Variants in ADK observed in about 807,000 individuals in gnomAD.
ADK encodes adenosine kinase.
ADK carries 24 observed loss-of-function variants against 44.7 expected under a neutral mutation model. The observed-to-expected ratio is 0.54, with a 90% CI of 0.39 to 0.76. The LOEUF is 0.76. ADK is among the 30% of genes least tolerant of loss of function. The pLI is 0.00. For missense variants in ADK, 321 were observed against 425.1 expected (o/e 0.76, Z 2.15); for synonymous variants, 128 against 142.6 (o/e 0.90, Z 0.73).
chr10:74,185,103 A>T (rs1048144314), intron 1 of ADK, among the ~76,000 whole-genome samples: 1 of 152,240 alleles, frequency 6.6e-6, no homozygotes, highest in Non-Finnish European at 1.5e-5. Flanking sequence ...AAGAGGTGAC[A>T]TACCAAAAAA....
intron 8 of ADK, among the ~76,000 whole-genome samples, chr10:74,594,450 G>A (rs571937271): frequency 2.0e-4 from 31 of 151,658 alleles, no homozygotes; most frequent in Admixed American, 1.8e-3. Context: ...TTCATACAAA[G>A]CAAGGAGGTA....
intron 4 of ADK, among the ~76,000 whole-genome samples, chr10:74,387,482 C>T (rs1564692040): frequency 6.6e-6 from 1 of 152,096 alleles, no homozygotes; most frequent in Admixed American, 6.5e-5. Flanking sequence ...ATCCTAGGGG[C>T]ACCATGATAA....
intron 6 of ADK, among the ~76,000 whole-genome samples, chr10:74,459,851 A>G (rs549472015): frequency 2.2e-4 from 34 of 151,762 alleles, no homozygotes; most frequent in Non-Finnish European, 4.3e-4. Context: ...CTTAATTGCC[A>G]TGCCAACTTT....
At chr10:74,641,168 A>G (rs2134097531) in intron 9 of ADK, among the ~76,000 whole-genome samples, 1 of 152,242 alleles carries the variant, frequency 6.6e-6, no homozygotes, top group Non-Finnish European at 1.5e-5. Flanking sequence ...AAATGGGCCA[A>G]ATCATGCTTT....
chr10:74,508,367 C>G (rs535333868), intron 6 of ADK: 1 of 152,214 alleles, frequency 6.6e-6, no homozygotes, highest in East Asian at 1.9e-4. Flanking sequence ...TAACATAAAA[C>G]TCACTTTTCT....
chr10:74,212,966 G>A (rs1843874446), intron 2 of ADK, among the ~76,000 whole-genome samples: 1 of 152,170 alleles, frequency 6.6e-6, no homozygotes, highest in South Asian at 2.1e-4. Flanking sequence ...AATGAGTTAG[G>A]GAGTATAGGA....
chr10:74,680,771 G>T (rs1855576484), intron 10 of ADK, among the ~76,000 whole-genome samples: 1 of 152,178 alleles, frequency 6.6e-6, no homozygotes, highest in Non-Finnish European at 1.5e-5. Context: ...AAAATTAGCA[G>T]CATGATTGTC....
At chr10:74,202,633 A>G (rs1296906791) in intron 2 of ADK, among the ~76,000 whole-genome samples, 1 of 152,094 alleles carries the variant, frequency 6.6e-6, no homozygotes, top group East Asian at 1.9e-4. Flanking sequence ...CTTATTTTTT[A>G]TTTTTTAAAT....
At chr10:74,356,421 C>T (rs1392264206) in intron 4 of ADK, among the ~76,000 whole-genome samples, 1 of 152,170 alleles carries the variant, frequency 6.6e-6, no homozygotes, top group Non-Finnish European at 1.5e-5. Context: ...TAGTGGATCA[C>T]ACTCTGCAGC....
chr10:74,304,582 A>G (rs1840184618), intron 3 of ADK, among the ~76,000 whole-genome samples: 2 of 152,238 alleles, frequency 1.3e-5, no homozygotes. Flanking sequence ...ATCAGAGAAT[A>G]GAAATTCTTT....
chr10:74,218,138 G>A lies in ADK; in HGVS notation c.141-6400G>A, dbSNP rs1243819150. ...AACTTTGAAAAAAATTTAAACGAAT[G>A]TATAACTAGAATAACCAATACAGAG... On this transcript the variant is annotated intron_variant, in intron 2 of 10. Coordinates refer to ENST00000539909, the MANE Select transcript of ADK (RefSeq NM_006721.4). Among the ~76,000 whole-genome samples the A allele has an allele frequency of 5.3e-5, 8 of 152,284 alleles. 1 individual carries two copies. In the South Asian group the frequency reaches 6.2e-4, roughly 12 times the overall value.
chr10:74,151,479 C>T, intron 1 of ADK, 136 bp downstream of exon 1: 1 of 966,420 alleles, frequency 1.0e-6, no homozygotes, highest in African/African-American at 1.6e-5. Context: ...CCTCCCCCAG[C>T]TGCCCGCTTG....
chr10:74,516,528 C>CT lies in ADK; in HGVS notation c.556-8715dup, dbSNP rs58022347. Among the ~76,000 whole-genome samples, 307 of 138,948 alleles carry CT rather than the reference C, an allele frequency of 2.2e-3. 1 individual carries two copies. Among genetic ancestry groups the CT allele is most frequent in the African/African-American group, 6.4e-3 (239 of 37,378 alleles). 91.2% of individuals were successfully genotyped at this position (138,948 alleles called of 152,430 possible). Reference sequence around the variant, plus strand: ...TATTGCTTTTCTTTTCTTTTCTTTTCTTTTTTTTTTTTTGAGATGGAGTCG... The same window carrying CT: ...TATTGCTTTTCTTTTCTTTTCTTTTCTTTTTTTTTTTTTTGAGATGGAGTCG... On this transcript the variant is annotated intron_variant, in intron 6 of 10. Transcript: ENST00000539909.
intron 7 of ADK, among the ~76,000 whole-genome samples, chr10:74,569,244 C>T (rs2133847434): frequency 6.6e-6 from 1 of 152,268 alleles, no homozygotes; most frequent in South Asian, 2.1e-4. Flanking sequence ...CATACGTGTG[C>T]ATGTGTCTTT....
At chr10:74,559,248 A>T (rs1179175486) in intron 7 of ADK, among the ~76,000 whole-genome samples, 1 of 152,208 alleles carries the variant, frequency 6.6e-6, no homozygotes, top group Non-Finnish European at 1.5e-5. Flanking sequence ...ACTACACGCA[A>T]CCTGGGTTGT....
chr10:74,364,493 C>G (rs1026077565), intron 4 of ADK, among the ~76,000 whole-genome samples: 6 of 152,184 alleles, frequency 3.9e-5, no homozygotes, highest in Admixed American at 1.3e-4. Flanking sequence ...TGACTTATCT[C>G]TGGCATTTAT....
intron 6 of ADK, among the ~76,000 whole-genome samples, chr10:74,425,368 C>T (rs183052605): frequency 7.2e-5 from 11 of 152,188 alleles, no homozygotes; most frequent in African/African-American, 2.7e-4. Flanking sequence ...TCAACTCTTA[C>T]ACTAAACATG....
At chr10:74,330,636 A>G (rs1841185402) in intron 4 of ADK, among the ~76,000 whole-genome samples, 1 of 152,186 alleles carries the variant, frequency 6.6e-6, no homozygotes, top group South Asian at 2.1e-4. Context: ...GACACCCATA[A>G]TGGGGAATTC....
At chr10:74,401,350 A>G (rs1228597362) in intron 6 of ADK, among the ~76,000 whole-genome samples, 1 of 152,182 alleles carries the variant, frequency 6.6e-6, no homozygotes, top group Non-Finnish European at 1.5e-5. Context: ...CTTGGGCAAC[A>G]AGTAGGTCTC....
Sources: allele counts gnomAD v4.1 joint callset (sites outside exome capture counted in the v4.1 genomes callset), GRCh38; gene constraint gnomAD v4.1.1; transcripts MANE v1.5; gene names NCBI Gene and HGNC (gene_info 2026-07-23, HGNC 2026-07-21).